The following IFT43 variants were observed in gnomAD, a reference collection of about 807,000 sequenced individuals.
IFT43 encodes the protein intraflagellar transport 43.
Under a neutral mutation model 32.3 loss-of-function variants are expected in IFT43, and 33 were observed. That is an observed-to-expected ratio of 1.02 (90% CI 0.77 to 1.37). The LOEUF is 1.37. Among genes scored for constraint, IFT43 ranks in the 40% most tolerant of loss-of-function variants. IFT43 has a pLI of 0.00. For synonymous variants in IFT43, 93 were observed against 98.2 expected, an observed-to-expected ratio of 0.95 and a Z score of 0.31; for missense variants, 274 against 265.9, an observed-to-expected ratio of 1.03 and a Z score of -0.21.
chr14:76,083,078 T>C (rs2037542601), intron 7 of IFT43, 149 bp from the exon 8 acceptor site: 6 of 812,878 alleles, frequency 7.4e-6, no homozygotes, highest in Non-Finnish European at 1.3e-5. Context: ...ATGTGGTTCA[T>C]TCATGATTTT....
intron 5 of IFT43, chr14:76,076,444 CTGCCTGGG>C (rs754388156): frequency 2.3e-4 from 128 of 550,932 alleles, no homozygotes; most frequent in Non-Finnish European, 2.8e-4. Context: ...TGAGGCATCT[CTGCCTGGG>C]TGGGACCCAG....
At chr14:76,008,917 G>C (rs559446404) in intron 2 of IFT43, among the ~76,000 whole-genome samples, 1 of 152,276 alleles carries the variant, frequency 6.6e-6, no homozygotes, top group Admixed American at 6.5e-5. Context: ...CCTCATTAAA[G>C]GGGTAAGGAT....
chr14:75,985,888 G>A, intron 1 of IFT43, 48 bp downstream of exon 1: 2 of 1,604,156 alleles, frequency 1.2e-6, no homozygotes, highest in Non-Finnish European at 1.7e-6. Context: ...GGCGGGTGGG[G>A]AGGAGCGACC....
chr14:75,995,720 C>G (rs542693614), intron 2 of IFT43, among the ~76,000 whole-genome samples: 7 of 152,168 alleles, frequency 4.6e-5, no homozygotes, highest in African/African-American at 1.7e-4. Flanking sequence ...AAATAACTCT[C>G]CTGATTGGTC....
At chr14:76,078,835 C>A (rs1235986887) in intron 5 of IFT43, among the ~76,000 whole-genome samples, 2 of 152,164 alleles carry the variant, frequency 1.3e-5, no homozygotes, top group Admixed American at 1.3e-4. Context: ...AGGTGCCTGG[C>A]CACCTCCTCC....
chr14:76,043,526 G>A lies in IFT43; in HGVS notation c.216-15116G>A, dbSNP rs145824395. Among the ~76,000 whole-genome samples the A allele has an allele frequency of 5.7e-4, 86 of 152,172 alleles. 1 individual carries two copies. The East Asian group carries it at 0.015, about 26-fold the overall frequency. On this transcript the variant is annotated intron_variant, in intron 3 of 8. Coordinates refer to ENST00000314067, the MANE Select transcript of IFT43 (RefSeq NM_001102564.3). ...CTGTCGCCCAGGCTGGAGTGCAGTG[G>A]TGCGATCTTGGCTCACTGCAGCCAC...
rs372641566 is a variant in IFT43 at position 75,985,859 on chromosome 14, G to C, written c.54+19G>C. On this transcript the variant is annotated intron_variant, in intron 1 of 8. Transcript: ENST00000314067. ...TACCTCCGTGAGGACCAATTCGGGG[G>C]CCTTGGGGGCCAGGATTTGGCGGGT... The C allele has an allele frequency of 7.4e-4, 1,186 of 1,613,476 alleles. 2 individuals carry two copies. Among genetic ancestry groups the C allele is most frequent in the Non-Finnish European group, 9.8e-4 (1,151 of 1,179,730 alleles).
chr14:76,033,767 C>T (rs1410408508), intron 3 of IFT43, among the ~76,000 whole-genome samples: 1 of 152,082 alleles, frequency 6.6e-6, no homozygotes, highest in Non-Finnish European at 1.5e-5. Context: ...CGCAAGAGCT[C>T]AAATTCTAAT....
At chr14:76,041,669 G>A (rs942124344) in intron 3 of IFT43, among the ~76,000 whole-genome samples, 1 of 152,134 alleles carries the variant, frequency 6.6e-6, no homozygotes, top group African/African-American at 2.4e-5. Flanking sequence ...TCTGATCCTA[G>A]CCATCTCTCT....
At position 76,022,352 on chromosome 14, in the gene IFT43, G is replaced by A; in HGVS notation, c.173G>A (p.Cys58Tyr). Reference sequence around the variant, plus strand: ...ACTTCCTCTGCTAAATTACCTCGCTGCCGACAGGGAGGCTGGGCAGGTGAT... The same window carrying A: ...ACTTCCTCTGCTAAATTACCTCGCTACCGACAGGGAGGCTGGGCAGGTGAT... Reference protein sequence around the residue: ...GETSSAKLPRCRQGGWAGDSV... With the variant: ...GETSSAKLPRYRQGGWAGDSV... Residue 58 changes from cysteine (C) to tyrosine (Y), a missense_variant, in exon 3 of 9, where the codon TGC becomes TAC. Coordinates refer to ENST00000314067, the MANE Select transcript of IFT43 (RefSeq NM_001102564.3). 6.2e-7 allele frequency: 1 copy of A among 1,613,628 alleles called. No homozygotes were observed. The highest frequency in any genetic ancestry group is 8.5e-7 in the Non-Finnish European group (1 of 1,179,596).
At chr14:75,999,252 T>TTC (rs1566699353) in intron 2 of IFT43, among the ~76,000 whole-genome samples, 59 of 11,402 alleles carry the variant, frequency 5.2e-3, no homozygotes, top group Admixed American at 8.3e-3. Context: ...TATATATATA[T>TTC]ATATATATAT....
intron 3 of IFT43, among the ~76,000 whole-genome samples, chr14:76,024,589 G>C (rs1443219038): frequency 6.6e-6 from 1 of 152,236 alleles, no homozygotes; most frequent in African/African-American, 2.4e-5. Flanking sequence ...CTAGTACATA[G>C]CTTGTTGCTG....
intron 5 of IFT43, among the ~76,000 whole-genome samples, chr14:76,073,358 C>T (rs1269688832): frequency 6.6e-6 from 1 of 152,254 alleles, no homozygotes; most frequent in East Asian, 1.9e-4. Context: ...CGTCACTTGG[C>T]CCTCAGTTGG....
intron 2 of IFT43, among the ~76,000 whole-genome samples, chr14:75,996,905 T>C (rs1407365339): frequency 6.6e-6 from 1 of 152,238 alleles, no homozygotes; most frequent in Non-Finnish European, 1.5e-5. Flanking sequence ...TATTGTGCTT[T>C]GAACTTGGAA....
intron 2 of IFT43, among the ~76,000 whole-genome samples, chr14:76,011,115 G>A (rs1178775091): frequency 2.0e-5 from 3 of 152,064 alleles, no homozygotes; most frequent in African/African-American, 7.2e-5. Context: ...TCACTTTGTT[G>A]CCCAGGCTGG....
chr14:75,999,248 TATATATATATATATATATATATATGTATA>T (rs1455859623), intron 2 of IFT43, among the ~76,000 whole-genome samples: 32 of 12,612 alleles, frequency 2.5e-3, no homozygotes, highest in African/African-American at 0.011. Flanking sequence ...TATATATATA[TATATATATATATATATATATATATGTATA>T]TATATTTTTT....
intron 5 of IFT43, among the ~76,000 whole-genome samples, chr14:76,063,660 G>A (rs1171605441): frequency 2.6e-5 from 4 of 152,156 alleles, no homozygotes; most frequent in Admixed American, 2.0e-4. Flanking sequence ...GTTGTTTATG[G>A]CAAAAGGGCA....
Position 76,053,633 on chromosome 14 carries a change from C to T in IFT43, c.216-5009C>T, listed in dbSNP as rs192651710. 3.3e-5 allele frequency among the ~76,000 whole-genome samples: 5 copies of T among 152,288 alleles called. No homozygotes were observed. In the East Asian group the frequency reaches 7.7e-4, roughly 23 times the overall value. ...GTCTTTGCTCCCTCACCCTGCTCCA[C>T]GAGGCGGAGGTGAGAGAGAACGTTT... On this transcript the variant is annotated intron_variant, in intron 3 of 8. Coordinates refer to ENST00000314067, the MANE Select transcript of IFT43 (RefSeq NM_001102564.3).
intron 5 of IFT43, among the ~76,000 whole-genome samples, chr14:76,070,848 C>T (rs978079631): frequency 2.6e-5 from 4 of 152,082 alleles, no homozygotes; most frequent in Non-Finnish European, 5.9e-5. Flanking sequence ...TTGGAAGCTT[C>T]CTGAGGCCTC....
Sources: gnomAD v4.1 joint callset for allele counts (sites outside exome capture counted in the v4.1 genomes callset) on GRCh38, gnomAD v4.1.1 for gene constraint, MANE v1.5 for transcripts, NCBI Gene and HGNC (gene_info 2026-07-23, HGNC 2026-07-21) for gene names.